The following IKZF2 variants were observed in gnomAD, a reference collection of about 807,000 sequenced individuals.
IKZF2 encodes the protein zinc finger protein Helios.
Under a neutral mutation model 49.2 loss-of-function variants are expected in IKZF2, and 15 were observed. That is an observed-to-expected ratio of 0.30 (90% CI 0.20 to 0.47). The LOEUF is 0.47. Among genes scored for constraint, IKZF2 ranks in the 20% least tolerant of loss-of-function variants. The pLI is 1.00. For synonymous variants in IKZF2, 227 were observed against 221.4 expected, an observed-to-expected ratio of 1.03 and a Z score of -0.23; for missense variants, 567 against 664.6, an observed-to-expected ratio of 0.85 and a Z score of 1.61.
intron 5 of IKZF2, among the ~76,000 whole-genome samples, 192 bp from the exon 6 acceptor site, chr2:213,050,072 G>T (rs1700536366): frequency 6.6e-6 from 1 of 152,070 alleles, no homozygotes; most frequent in Non-Finnish European, 1.5e-5. Flanking sequence ...TACATCAAAT[G>T]ATCTTTCCCC....
chr2:213,012,051 G>A (rs1356398052), intron 8 of IKZF2, among the ~76,000 whole-genome samples: 2 of 151,942 alleles, frequency 1.3e-5, no homozygotes, highest in Admixed American at 1.3e-4. Flanking sequence ...ATTTGATAAG[G>A]TCAAAGAATA....
At chr2:213,014,062 A>C in intron 7 of IKZF2, 128 bp from the exon 8 acceptor site, 1 of 763,666 alleles carries the variant, frequency 1.3e-6, no homozygotes, top group Non-Finnish European at 2.2e-6. Flanking sequence ...AGTAGAAAGA[A>C]TACCCTCTAG....
intron 7 of IKZF2, chr2:213,014,435 G>C (rs753483283): frequency 1.3e-5 from 2 of 152,738 alleles, no homozygotes; most frequent in Non-Finnish European, 2.9e-5. Flanking sequence ...TGAGCTGTTA[G>C]CCTTATTGGC....
At chr2:213,147,606 A>G in intron 4 of IKZF2, 102 bp downstream of exon 4, 1 of 826,274 alleles carries the variant, frequency 1.2e-6, no homozygotes. Context: ...CTATAACAGT[A>G]GCTATACCAC....
Position 213,146,238 on chromosome 2 carries a change from A to G in IKZF2, c.139+1470T>C, listed in dbSNP as rs1005675678. 6.6e-5 allele frequency among the ~76,000 whole-genome samples: 10 copies of G among 152,264 alleles called. 1 individual carries two copies. The South Asian group carries it at 1.9e-3, about 28-fold the overall frequency. On this transcript the variant is annotated intron_variant, in intron 4 of 8. Transcript: ENST00000434687. Reference sequence around the variant, plus strand: ...AAAAACATTACACCAAATAACTAGTATATTGAAATGTAAAAATTCTATTGC... The same window carrying G: ...AAAAACATTACACCAAATAACTAGTGTATTGAAATGTAAAAATTCTATTGC...
Position 213,007,239 on chromosome 2 carries a change from G to A in IKZF2, c.*121C>T. On this transcript the variant is annotated 3_prime_UTR_variant, in exon 9 of 9. Coordinates refer to ENST00000434687, the MANE Select transcript of IKZF2 (RefSeq NM_001387220.1). ...CTCCACAAAATAAGAATTATCAACA[G>A]TAATAATATTAAAAAAAATAAAAGG... 9.5e-7 allele frequency: 1 copy of A among 1,055,570 alleles called. No homozygotes were observed. The highest frequency in any genetic ancestry group is 1.4e-6 in the Non-Finnish European group (1 of 740,526). 65.4% of individuals were successfully genotyped at this position (1,055,570 alleles called of 1,614,324 possible).
chr2:213,151,074 A>T (rs768456483), intron 1 of IKZF2, among the ~76,000 whole-genome samples: 9 of 152,150 alleles, frequency 5.9e-5, no homozygotes, highest in Non-Finnish European at 1.3e-4. Flanking sequence ...ATCGATTAAC[A>T]TCCCAGAAAC....
Position 213,049,702 on chromosome 2 carries a change from G to A in IKZF2, c.574+11C>T. 6.5e-7 allele frequency: 1 copy of A among 1,532,748 alleles called. No homozygotes were observed. The highest frequency in any genetic ancestry group is 8.8e-7 in the Non-Finnish European group (1 of 1,135,290). The allele number at this position is 1,532,748 out of a possible 1,614,324, so 94.9% of individuals were successfully genotyped here. ...TTTTACTTTTCTTCTCAAGGAGTTGGTGACACTTACCAGAATGGGTCCTGA... is the reference window on the plus strand; with the variant it reads ...TTTTACTTTTCTTCTCAAGGAGTTGATGACACTTACCAGAATGGGTCCTGA... On this transcript the variant is annotated intron_variant, in intron 6 of 8. Transcript: ENST00000434687.
At chr2:213,118,652 G>T (rs2059953862) in intron 4 of IKZF2, among the ~76,000 whole-genome samples, 1 of 152,116 alleles carries the variant, frequency 6.6e-6, no homozygotes, top group Non-Finnish European at 1.5e-5. Flanking sequence ...TGGCCAAAGA[G>T]TCACTTTCAG....
At chr2:213,070,701 G>C (rs996055275) in intron 4 of IKZF2, among the ~76,000 whole-genome samples, 2 of 152,108 alleles carry the variant, frequency 1.3e-5, no homozygotes, top group Admixed American at 6.6e-5. Flanking sequence ...TCTCAGACAA[G>C]GACAGTACAG....
chr2:213,038,013 T>TAAAAAAA (rs3069569), intron 6 of IKZF2, among the ~76,000 whole-genome samples: 1 of 148,140 alleles, frequency 6.8e-6, no homozygotes. Context: ...TTTCTATCCT[T>TAAAAAAA]AAAAAAAAAA....
chr2:213,118,397 G>A (rs1378908665), intron 4 of IKZF2, among the ~76,000 whole-genome samples: 1 of 152,130 alleles, frequency 6.6e-6, no homozygotes, highest in Non-Finnish European at 1.5e-5. Flanking sequence ...GCTAGGTGGA[G>A]GGCTCTGTTC....
At chr2:213,096,982 G>C (rs563094738) in intron 4 of IKZF2, among the ~76,000 whole-genome samples, 1 of 151,494 alleles carries the variant, frequency 6.6e-6, no homozygotes, top group African/African-American at 2.4e-5. Flanking sequence ...TAAATTTGTC[G>C]CGTTAATTAT....
intron 7 of IKZF2, among the ~76,000 whole-genome samples, chr2:213,017,356 G>A (rs1441765449): frequency 6.6e-6 from 1 of 152,120 alleles, no homozygotes; most frequent in Non-Finnish European, 1.5e-5. Flanking sequence ...TTCCTAGACA[G>A]TTTTATTTGC....
At position 213,013,837 on chromosome 2, in the gene IKZF2, C is replaced by T. The variant is rs564146314; in HGVS notation, c.810G>A (p.Thr270=). Residue 270 remains threonine, a synonymous_variant, in exon 8 of 9, where the codon ACG becomes ACA. Transcript: ENST00000434687. ...FERPAVIEKL[T]GNMGKRKSST... ...AGCTTTTACGTTTTCCCATATTCCCCGTGAGCTTCTCTATGACAGCAGGTC... is the reference window on the plus strand; with the variant it reads ...AGCTTTTACGTTTTCCCATATTCCCTGTGAGCTTCTCTATGACAGCAGGTC... The T allele has an allele frequency of 1.5e-4, 247 of 1,611,852 alleles. 1 individual carries two copies. The South Asian group carries it at 2.2e-3, about 14-fold the overall frequency.
rs184285743 is a variant in IKZF2, at chr2:213,128,989, C to T, written c.139+18719G>A. ...TTTAATCGTTGTTGTACTACTCTCT[C>T]CCCATGTGACTTTCGCCTCAATGTA... On this transcript the variant is annotated intron_variant, in intron 4 of 8. Transcript: ENST00000434687. 5.9e-5 allele frequency among the ~76,000 whole-genome samples: 9 copies of T among 151,762 alleles called. No homozygotes were observed. The East Asian group carries it at 1.6e-3, about 26-fold the overall frequency.
chr2:213,113,207 C>T (rs2059769782), intron 4 of IKZF2, among the ~76,000 whole-genome samples: 1 of 152,126 alleles, frequency 6.6e-6, no homozygotes, highest in African/African-American at 2.4e-5. Flanking sequence ...TTTATTCCTA[C>T]TTTATATGGA....
rs2124967098 is a variant in IKZF2 at position 213,004,186 on chromosome 2, C to T, written c.*3174G>A. ...TGTGTAGTATACACACACATATACC[C>T]TATGATTCATACATACAATTGCCTG... On this transcript the variant is annotated 3_prime_UTR_variant, in exon 9 of 9. Transcript: ENST00000434687. The T allele has an allele frequency of 6.6e-6, 1 of 151,886 alleles. No individual in the cohort carries two copies. Among genetic ancestry groups the T allele is most frequent in the African/African-American group, 2.4e-5 (1 of 41,506 alleles). 9.4% of individuals were successfully genotyped at this position (151,886 alleles called of 1,614,324 possible). A position where few individuals can be genotyped will look rare whatever the true frequency, so the allele number is the denominator to read the frequency against.
intron 4 of IKZF2, among the ~76,000 whole-genome samples, chr2:213,078,790 G>C (rs867100048): frequency 2.0e-5 from 3 of 152,144 alleles, no homozygotes; most frequent in Non-Finnish European, 4.4e-5. Flanking sequence ...CATATAGAAA[G>C]AAATTCTGCT....
Sources: gnomAD v4.1 joint callset for allele counts (sites outside exome capture counted in the v4.1 genomes callset) on GRCh38, gnomAD v4.1.1 for gene constraint, MANE v1.5 for transcripts, NCBI Gene and HGNC (gene_info 2026-07-23, HGNC 2026-07-21) for gene names.